The following DZIP1 variants were observed in gnomAD, a reference collection of about 807,000 sequenced individuals.
The protein encoded by DZIP1 is DAZ interacting zinc finger protein 1.
Under a neutral mutation model 107.6 loss-of-function variants are expected in DZIP1, and 97 were observed. That is an observed-to-expected ratio of 0.90 (90% CI 0.77 to 1.07). The LOEUF (loss-of-function observed/expected upper bound fraction) is 1.07. Among genes scored for constraint, DZIP1 ranks in the 50% least tolerant of loss-of-function variants. DZIP1 has a pLI of 0.00. For missense variants in DZIP1, 1,035 were observed against 1,063.6 expected (o/e 0.97, Z 0.37); for synonymous variants, 390 against 386.4 (o/e 1.01, Z -0.11).
At chr13:95,639,599 A>AC (rs1420945730) in intron 5 of DZIP1, among the ~76,000 whole-genome samples, 2 of 151,556 alleles carry the variant, frequency 1.3e-5, no homozygotes, top group Non-Finnish European at 2.9e-5. Context: ...TCAAAAAAAA[A>AC]AAAAAAAAGA....
At chr13:95,590,523 C>G in intron 16 of DZIP1, 82 bp from the exon 17 acceptor site, 1 of 1,362,410 alleles carries the variant, frequency 7.3e-7, no homozygotes, top group Non-Finnish European at 1.0e-6. Flanking sequence ...ACTGTGCCAA[C>G]ATTTCAATCC....
At position 95,607,676 on chromosome 13, in the gene DZIP1, A is replaced by G. The variant is rs574878172; in HGVS notation, c.1421-1617T>C. 2.7e-5 allele frequency among the ~76,000 whole-genome samples: 4 copies of G among 147,186 alleles called. No homozygotes were observed. The South Asian group carries it at 6.4e-4, about 24-fold the overall frequency. On this transcript the variant is annotated intron_variant, in intron 13 of 22. Coordinates refer to ENST00000376829, the MANE Select transcript of DZIP1 (RefSeq NM_198968.4). ...AAATCACTGTCTGACTTTTTACAAG[A>G]AAAAAAAAAATACAGAATACTAACT...
rs564852609 is a variant in DZIP1 at position 95,632,719 on chromosome 13, G to A, written c.685+515C>T. ...ACGGCTTCCTGTGATCAGGCCCCCA[G>A]CACTTCAGCCTCACCACACACCATC... On this transcript the variant is annotated intron_variant, in intron 6 of 22. Transcript: ENST00000376829. Among the ~76,000 whole-genome samples the A allele has an allele frequency of 2.0e-5, 3 of 152,176 alleles. No individual in the cohort carries two copies. The South Asian group carries it at 6.2e-4, about 32-fold the overall frequency.
Position 95,641,586 on chromosome 13 carries a change from T to G in DZIP1, c.306A>C (p.Glu102Asp), listed in dbSNP as rs772755940. 25 of 1,613,542 alleles carry G rather than the reference T, an allele frequency of 1.5e-5. No homozygotes were observed. Among genetic ancestry groups the G allele is most frequent in the Non-Finnish European group, 1.9e-5 (23 of 1,180,046 alleles). The change falls in exon 5 of 23, where the codon GAA becomes GAC. Residue 102 changes from glutamate (E) to aspartate (D), a missense_variant. By Grantham distance (45) the Glu-to-Asp change is conservative (BLOSUM62 2). Transcript: ENST00000376829. This position sits in a 1 kb window ranked among gnomAD's most constrained non-coding sequence, Gnocchi z 4.3. The part of the protein sequence containing the change: ...NIMNITFCKL[E>D]DEKCPHCQSG... ...ACTGGCAGTGTGGGCACTTCTCGTC[T>G]TCCAGCTTGCAGAAGGTGATGTTCA...
At chr13:95,616,956 C>T (rs535270586) in intron 10 of DZIP1, among the ~76,000 whole-genome samples, 11 of 152,256 alleles carry the variant, frequency 7.2e-5, no homozygotes, top group African/African-American at 2.6e-4. Flanking sequence ...GCCTGTAATC[C>T]TTGCACTTTG....
intron 5 of DZIP1, among the ~76,000 whole-genome samples, chr13:95,633,944 TAAATAA>T (rs1877502810): frequency 6.6e-6 from 1 of 151,852 alleles, no homozygotes; most frequent in Non-Finnish European, 1.5e-5. Flanking sequence ...TATAAGTAAA[TAAATAA>T]AAATAAAACC....
intron 5 of DZIP1, among the ~76,000 whole-genome samples, chr13:95,635,705 C>G (rs1252737393): frequency 6.6e-6 from 1 of 152,142 alleles, no homozygotes; most frequent in South Asian, 2.1e-4. Context: ...CTCCCCACCC[C>G]ACCCCAGAGT....
At position 95,594,071 on chromosome 13, in the gene DZIP1, T is replaced by C; in HGVS notation, c.1553A>G (p.Gln518Arg). The part of the protein sequence containing the change: ...SEEEKGRENE[Q>R]KLNNNKMHLR... ...ATGCATTTTGTTGTTATTTAATTTC[T>C]GTTCATTTTCCCTTCCTGAAATAAG... The change falls in exon 16 of 23, where the codon CAG (glutamine) becomes CGG (arginine). Residue 518 changes from glutamine to arginine, a missense_variant. Transcript: ENST00000376829. 6.2e-7 allele frequency: 1 copy of C among 1,602,624 alleles called. No homozygotes were observed. Among genetic ancestry groups the C allele is most frequent in the Admixed American group, 1.7e-5 (1 of 57,740 alleles).
At chr13:95,611,358 T>C (rs2044997849) in intron 12 of DZIP1, 87 bp downstream of exon 12, 1 of 1,010,412 alleles carries the variant, frequency 9.9e-7, no homozygotes. Flanking sequence ...TTAGCACACA[T>C]AAACAAGTGG....
At chr13:95,631,466 CA>C (rs918427065) in intron 6 of DZIP1, among the ~76,000 whole-genome samples, 79 of 132,710 alleles carry the variant, frequency 6.0e-4, no homozygotes, top group Admixed American at 3.6e-3. Context: ...GATTCCATCT[CA>C]AAAAAAAAAA....
chr13:95,611,365 G>T, intron 12 of DZIP1, 80 bp downstream of exon 12: 1 of 1,083,150 alleles, frequency 9.2e-7, no homozygotes. Context: ...ACATAAACAA[G>T]TGGGGCCCAC....
intron 16 of DZIP1, among the ~76,000 whole-genome samples, chr13:95,592,069 C>CA (rs1380172829): frequency 6.6e-6 from 1 of 152,090 alleles, no homozygotes. Context: ...TCTTATATGA[C>CA]AAAAATGTCC....
rs1248916468 is a variant in DZIP1 at position 95,580,140 on chromosome 13, G to A, written c.*2094C>T. The A allele has an allele frequency of 6.6e-6, 1 of 152,170 alleles. No individual in the cohort carries two copies. The highest frequency in any genetic ancestry group is 1.9e-4 in the East Asian group (1 of 5,192). 9.4% of individuals were successfully genotyped at this position (152,170 alleles called of 1,614,324 possible). ...ATTTGAGGTCAGGAGTTCGAGACCA[G>A]TCTGGCCAACATGGTGAAACCTCAT... On this transcript the variant is annotated 3_prime_UTR_variant, in exon 23 of 23. Transcript: ENST00000376829.
At chr13:95,621,858 C>T (rs547765884) in intron 9 of DZIP1, among the ~76,000 whole-genome samples, 2 of 152,022 alleles carry the variant, frequency 1.3e-5, no homozygotes, top group South Asian at 2.1e-4. Context: ...GCTGGGATTA[C>T]AGGCATCTGC....
In DZIP1 at chr13:95,579,738, TAAAA is replaced by T. The variant is rs959250342; in HGVS notation, c.*2492_*2495del. 2.6e-5 allele frequency: 4 copies of T among 151,914 alleles called. No individual in the cohort carries two copies. The highest frequency in any genetic ancestry group is 4.8e-5 in the African/African-American group (2 of 41,368). 9.4% of individuals were successfully genotyped at this position (151,914 alleles called of 1,614,324 possible). On this transcript the variant is annotated 3_prime_UTR_variant, in exon 23 of 23. Transcript: ENST00000376829. ...AACAAGTTTGTTAAAAGATAAAAAA[TAAAA>T]AAAATTCCATACCTTGATAATCCTT...
At chr13:95,611,606 A>G in intron 11 of DZIP1, 113 bp from the exon 12 acceptor site, 1 of 860,456 alleles carries the variant, frequency 1.2e-6, no homozygotes, top group Non-Finnish European at 1.9e-6. Flanking sequence ...TAAATTATCC[A>G]GGGACATAGG....
intron 7 of DZIP1, among the ~76,000 whole-genome samples, chr13:95,627,944 A>C (rs1876740031): frequency 6.6e-6 from 1 of 152,210 alleles, no homozygotes; most frequent in Non-Finnish European, 1.5e-5. Flanking sequence ...CATACAATGG[A>C]ATATTAGCAA....
intron 10 of DZIP1, among the ~76,000 whole-genome samples, chr13:95,614,591 T>C (rs1341211755): frequency 3.9e-5 from 6 of 152,114 alleles, no homozygotes; most frequent in African/African-American, 1.2e-4. Flanking sequence ...GAGAAAGGAA[T>C]GGAGAGGGTC....
chr13:95,585,998 G>T lies in DZIP1; in HGVS notation c.2349+8C>A. 4 of 1,592,558 alleles carry T rather than the reference G, an allele frequency of 2.5e-6. No homozygotes were observed. Among genetic ancestry groups the T allele is most frequent in the Non-Finnish European group, 3.4e-6 (4 of 1,173,144 alleles). ...TTATGTATATCTAGCAAGTAAAAGTGATTTCACCTTTAGTTCTTGTAATTC... is the reference window on the plus strand; with the variant it reads ...TTATGTATATCTAGCAAGTAAAAGTTATTTCACCTTTAGTTCTTGTAATTC... On this transcript the variant is annotated splice_region_variant and intron_variant, in intron 21 of 22. Coordinates refer to ENST00000376829, the MANE Select transcript of DZIP1 (RefSeq NM_198968.4).
Sources: allele counts gnomAD v4.1 joint callset (sites outside exome capture counted in the v4.1 genomes callset), GRCh38; gene constraint gnomAD v4.1.1; non-coding constraint Gnocchi (gnomAD v3.1); transcripts MANE v1.5; gene names NCBI Gene and HGNC (gene_info 2026-07-23, HGNC 2026-07-21).